The following DEPDC1 variants were observed in gnomAD, a reference collection of about 807,000 sequenced individuals.
DEPDC1 encodes DEP domain-containing protein 1A.
In DEPDC1, 66 loss-of-function variants were observed where a neutral mutation model predicts 86.8. That is an observed-to-expected ratio of 0.76 (90% CI 0.62 to 0.93). DEPDC1 has a LOEUF of 0.93. DEPDC1 is among the 40% of genes least tolerant of loss of function. DEPDC1 has a pLI of 0.00. For synonymous variants in DEPDC1, 255 were observed against 314.9 expected (o/e 0.81, Z 2.02); for missense variants, 792 against 935.7 (o/e 0.85, Z 2.00).
chr1:68,486,876 AATATAACACAC>A, intron 6 of DEPDC1, 50 bp downstream of exon 6: 1 of 1,311,016 alleles, frequency 7.6e-7, no homozygotes, highest in Non-Finnish European at 9.8e-7. Context: ...AAATACTATC[AATATAACACAC>A]ACACACACAC....
intron 4 of DEPDC1, 52 bp downstream of exon 4, chr1:68,488,864 A>G (rs1646210578): frequency 8.9e-7 from 1 of 1,123,828 alleles, no homozygotes; most frequent in Non-Finnish European, 1.3e-6. Flanking sequence ...AAAATGTCAA[A>G]TTAATAATCA....
chr1:68,485,307 AATTAAAAAT>A (rs772415378), intron 6 of DEPDC1, among the ~76,000 whole-genome samples: 2 of 152,120 alleles, frequency 1.3e-5, no homozygotes, highest in Non-Finnish European at 2.9e-5. Flanking sequence ...TGTTTACAGG[AATTAAAAAT>A]ATTAAAAATA....
At chr1:68,483,217 A>C (rs1646169877) in intron 7 of DEPDC1, 1 of 536,050 alleles carries the variant, frequency 1.9e-6, no homozygotes, top group Non-Finnish European at 3.6e-6. Context: ...AACCTCATAA[A>C]TATAAGATAA....
Position 68,474,401 on chromosome 1 carries a change from A to C in DEPDC1, c.*2531T>G, listed in dbSNP as rs1210920615. Reference sequence around the variant, plus strand: ...AATTCCATGTACATTCCATTACTAAATGCCACATAACTGTTTGGATAACAT... The same window carrying C: ...AATTCCATGTACATTCCATTACTAACTGCCACATAACTGTTTGGATAACAT... On this transcript the variant is annotated 3_prime_UTR_variant, in exon 12 of 12. Coordinates refer to ENST00000456315, the MANE Select transcript of DEPDC1 (RefSeq NM_001114120.3). 6.6e-6 allele frequency: 1 copy of C among 152,092 alleles called. No homozygotes were observed. The highest frequency in any genetic ancestry group is 2.4e-5 in the African/African-American group (1 of 41,432). 9.4% of individuals were successfully genotyped at this position (152,092 alleles called of 1,614,324 possible).
chr1:68,488,926 T>A lies in DEPDC1; in HGVS notation c.580A>T (p.Ile194Phe). ...EDVEEVWRYV[I>F]LIYLQTILGV... ...TTAATTTTATCTTACTAGATCAGAA[T>A]AACATATCTCCAAACTTCTTCAACA... Residue 194 changes from isoleucine to phenylalanine, a missense_variant, in exon 4 of 12, where the codon ATT becomes TTT. Ile to Phe is a conservative substitution (Grantham distance 21). Coordinates refer to ENST00000456315, the MANE Select transcript of DEPDC1 (RefSeq NM_001114120.3). 1 of 1,573,958 alleles carries A rather than the reference T, an allele frequency of 6.4e-7. No individual in the cohort carries two copies. Among genetic ancestry groups the A allele is most frequent in the Non-Finnish European group, 8.7e-7 (1 of 1,145,844 alleles).
rs1271065908 is a variant in DEPDC1 at position 68,475,350 on chromosome 1, C to A, written c.*1582G>T. Reference sequence around the variant, plus strand: ...ACAAAACCCCAAATAATTTTAATCTCAATTTGCAACATAATCCACATTTTA... The same window carrying A: ...ACAAAACCCCAAATAATTTTAATCTAAATTTGCAACATAATCCACATTTTA... On this transcript the variant is annotated 3_prime_UTR_variant, in exon 12 of 12. Coordinates refer to ENST00000456315, the MANE Select transcript of DEPDC1 (RefSeq NM_001114120.3). 6.6e-6 allele frequency: 1 copy of A among 151,854 alleles called. No homozygotes were observed. Among genetic ancestry groups the A allele is most frequent in the Non-Finnish European group, 1.5e-5 (1 of 67,864 alleles). The allele number at this position is 151,854 out of a possible 1,614,324, so 9.4% of individuals were successfully genotyped here.
At chr1:68,494,372 TAAGTA>T in intron 2 of DEPDC1, 53 bp downstream of exon 2, 7 of 1,458,118 alleles carry the variant, frequency 4.8e-6, no homozygotes, top group Non-Finnish European at 6.5e-6. Context: ...AAGTATAATA[TAAGTA>T]GAGATAAAAC....
rs1366045102 is a variant in DEPDC1 at position 68,491,203 on chromosome 1, GAGCTACAC to G, written c.315-1603_315-1596del. On this transcript the variant is annotated intron_variant, in intron 2 of 11. Coordinates refer to ENST00000456315, the MANE Select transcript of DEPDC1 (RefSeq NM_001114120.3). ...ACAAATGGACTGTAGTTACATGAAG[GAGCTACAC>G]AGCAAAAGAAAACTATCAATGGAGT... 6.6e-5 allele frequency among the ~76,000 whole-genome samples: 10 copies of G among 152,242 alleles called. 1 individual carries two copies. Among genetic ancestry groups the G allele is most frequent in the African/African-American group, 1.9e-4 (8 of 41,550 alleles).
Position 68,481,588 on chromosome 1 carries a change from C to G in DEPDC1, c.1787G>C (p.Arg596Thr). 1.2e-6 allele frequency: 2 copies of G among 1,605,218 alleles called. No homozygotes were observed. Among genetic ancestry groups the G allele is most frequent in the Non-Finnish European group, 1.7e-6 (2 of 1,175,432 alleles). ...TAACTGTAGAGCATCGATGGCAACC[C>G]TCTCTAAATGAGGTTGCAGCAAGCC... ...TQSLLQPHLERVAIDALQLCC... is the reference protein window; with the variant it reads ...TQSLLQPHLETVAIDALQLCC... Residue 596 changes from arginine (R) to threonine (T), a missense_variant, in exon 9 of 12, where the codon AGG becomes ACG. Physicochemically the swap from Arg to Thr is moderately conservative, Grantham distance 71. Coordinates refer to ENST00000456315, the MANE Select transcript of DEPDC1 (RefSeq NM_001114120.3).
chr1:68,492,455 C>G (rs1244780415), intron 2 of DEPDC1, among the ~76,000 whole-genome samples: 3 of 151,906 alleles, frequency 2.0e-5, no homozygotes, highest in African/African-American at 7.3e-5. Flanking sequence ...GCCTGTAATC[C>G]CAGCACTTTG....
chr1:68,489,048 T>C lies in DEPDC1; in HGVS notation c.472-14A>G. ...CTCGCCATTTTCCTGAAAAAAGGAT[T>C]ATTTTGGTTTAATCTGTTATGCTCA... On this transcript the variant is annotated splice_polypyrimidine_tract_variant and intron_variant, in intron 3 of 11. Transcript: ENST00000456315. 6.5e-7 allele frequency: 1 copy of C among 1,544,404 alleles called. No individual in the cohort carries two copies. The highest frequency in any genetic ancestry group is 8.9e-7 in the Non-Finnish European group (1 of 1,119,656).
intron 9 of DEPDC1, 55 bp from the exon 10 acceptor site, chr1:68,479,375 G>T (rs1646138540): frequency 7.6e-7 from 1 of 1,318,680 alleles, no homozygotes; most frequent in East Asian, 2.5e-5. Context: ...ATACAAACTA[G>T]AATATCGGTA....
rs1646137827 is a variant in DEPDC1 at position 68,479,243 on chromosome 1, T to C, written c.2013A>G (p.Leu671=). 1 of 1,612,640 alleles carries C rather than the reference T, an allele frequency of 6.2e-7. No homozygotes were observed. The highest frequency in any genetic ancestry group is 8.5e-7 in the Non-Finnish European group (1 of 1,179,170). ...GATGATGATCCATTAAGAAAGAAAC[T>C]AATCTTCCAGCAAGAAGCTCATCAA... is the stretch of plus-strand genomic sequence containing the variant. The part of the protein sequence containing the change: ...VDLDELLAGR[L]VSFLMDHHQE... The change falls in exon 10 of 12, where the codon TTA becomes TTG. Residue 671 remains leucine, a synonymous_variant. Transcript: ENST00000456315.
In DEPDC1 at chr1:68,476,313, A is replaced by G. The variant is rs1646114683; in HGVS notation, c.*619T>C. On this transcript the variant is annotated 3_prime_UTR_variant, in exon 12 of 12. Transcript: ENST00000456315. ...TAGATTATGAAAACTAGAATTCAAA[A>G]TATATATACTGAACAAATGAATGAC... 6.6e-6 allele frequency: 1 copy of G among 151,756 alleles called. No individual in the cohort carries two copies. The highest frequency in any genetic ancestry group is 1.5e-5 in the Non-Finnish European group (1 of 67,816). 9.4% of individuals were successfully genotyped at this position (151,756 alleles called of 1,614,324 possible).
At chr1:68,480,204 TATTA>T (rs1646145432) in intron 9 of DEPDC1, among the ~76,000 whole-genome samples, 1 of 150,954 alleles carries the variant, frequency 6.6e-6, no homozygotes, top group South Asian at 2.1e-4. Flanking sequence ...TACTCTCACT[TATTA>T]CTCTCGTTAC....
Position 68,476,955 on chromosome 1 carries a change from GTT to G in DEPDC1, c.2411_2412del (p.Lys804ThrfsTer5), listed in dbSNP as rs1000689498. 2.5e-6 allele frequency: 4 copies of G among 1,598,062 alleles called. No homozygotes were observed. The Admixed American group carries it at 5.1e-5, about 20-fold the overall frequency. ...TIKQPMLILRKPKFRSLR is the reference protein window; with the variant it reads ...TIKQPMLILRXPKFRSLR ...AGTTATCTTAGACTACGGAACTTTGGTTTTCTTAAAATCAGCATTGGTTGCTT... is the reference window on the plus strand; with the variant it reads ...AGTTATCTTAGACTACGGAACTTTGGTTCTTAAAATCAGCATTGGTTGCTT... On this transcript the variant is annotated frameshift_variant, in exon 12 of 12. Transcript: ENST00000456315. LOFTEE classifies it high-confidence loss of function.
In DEPDC1 at chr1:68,489,566, A is replaced by G. The variant is rs764552672; in HGVS notation, c.357T>C (p.Tyr119=). The stretch of plus-strand genomic sequence containing the variant: ...CTATGTTGTTTTTTCTCAATTCTGG[A>G]TACCTTCGTGGTAGAGTTTTAAGTG... ...TSPLKTLPRR[Y]PELRKNNIEN... is the part of the protein sequence containing the mutation. Residue 119 remains tyrosine, a synonymous_variant, in exon 3 of 12, where the codon TAT becomes TAC. Transcript: ENST00000456315. 6.5e-7 allele frequency: 1 copy of G among 1,542,734 alleles called. No homozygotes were observed. The highest frequency in any genetic ancestry group is 8.7e-7 in the Non-Finnish European group (1 of 1,155,318).
Position 68,486,970 on chromosome 1 carries a change from A to T in DEPDC1, c.736T>A (p.Trp246Arg). 1.2e-6 allele frequency: 2 copies of T among 1,602,966 alleles called. No homozygotes were observed. Among genetic ancestry groups the T allele is most frequent in the African/African-American group, 1.3e-5 (1 of 74,220 alleles). The change falls in exon 6 of 12, where the codon TGG becomes AGG. Residue 246 changes from tryptophan to arginine, a missense_variant. Coordinates refer to ENST00000456315, the MANE Select transcript of DEPDC1 (RefSeq NM_001114120.3). ...AGGCACTTCATGGCAGATAATACCC[A>T]GTGAGGGAGGTCATCTACACAAAAA... The part of the protein sequence containing the change: ...LQNKSDDLPH[W>R]VLSAMKCLAN...
chr1:68,479,790 G>A (rs927462086), intron 9 of DEPDC1, among the ~76,000 whole-genome samples: 9 of 149,454 alleles, frequency 6.0e-5, no homozygotes, highest in Non-Finnish European at 1.2e-4. Context: ...GAAACAGAGC[G>A]TGATCCTGTG....
Sources: allele counts gnomAD v4.1 joint callset (sites outside exome capture counted in the v4.1 genomes callset), GRCh38; gene constraint gnomAD v4.1.1; transcripts MANE v1.5; gene names NCBI Gene and HGNC (gene_info 2026-07-23, HGNC 2026-07-21).